CSMD3: variants seen among roughly 807,000 people sequenced by gnomAD.
CSMD3 encodes CUB and sushi domain-containing protein 3.
Under a neutral mutation model 435.2 loss-of-function variants are expected in CSMD3, and 177 were observed. The observed-to-expected ratio is 0.41, with a 90% CI of 0.36 to 0.46. CSMD3 has a LOEUF of 0.46. CSMD3 is among the 20% of genes least tolerant of loss of function. The pLI is 0.34. For synonymous variants in CSMD3, 1,656 were observed against 1,520.5 expected (o/e 1.09, Z -2.07); for missense variants, 4,265 against 4,504.6 (o/e 0.95, Z 1.52).
chr8:113,042,885 CGTT>C (rs2087680834), intron 5 of CSMD3, among the ~76,000 whole-genome samples: 1 of 152,174 alleles, frequency 6.6e-6, no homozygotes, highest in African/African-American at 2.4e-5. Context: ...CCAACCTCCA[CGTT>C]GTTCTTCAAT....
intron 1 of CSMD3, among the ~76,000 whole-genome samples, chr8:113,399,086 T>C (rs1303382254): frequency 1.5e-5 from 1 of 68,220 alleles, no homozygotes. Context: ...TTCATATATA[T>C]ATATATATAT....
chr8:112,295,242 ACT>A, intron 54 of CSMD3, among the ~76,000 whole-genome samples: 1 of 152,118 alleles, frequency 6.6e-6, no homozygotes, highest in Admixed American at 6.6e-5. Flanking sequence ...TCAACCACAC[ACT>A]CTCTATATAA....
intron 1 of CSMD3, among the ~76,000 whole-genome samples, chr8:113,337,616 T>A (rs2094086529): frequency 6.6e-6 from 1 of 152,044 alleles, no homozygotes; most frequent in African/African-American, 2.4e-5. Context: ...AGAGAAAATT[T>A]AAAAAATAGA....
chr8:113,211,003 C>A (rs2092828187), intron 3 of CSMD3, among the ~76,000 whole-genome samples: 2 of 152,140 alleles, frequency 1.3e-5, no homozygotes, highest in Admixed American at 6.6e-5. Context: ...CTTTGTTCCA[C>A]CACCTTCCAG....
Position 112,746,018 on chromosome 8 carries a change from A to T in CSMD3, c.1972+54144T>A, listed in dbSNP as rs187477806. Reference sequence around the variant, plus strand: ...CAAACGGCAGTTGACAGTTATTCCCACAAACTTTGAACTCACCTTTTCAGT... The same window carrying T: ...CAAACGGCAGTTGACAGTTATTCCCTCAAACTTTGAACTCACCTTTTCAGT... On this transcript the variant is annotated intron_variant, in intron 13 of 70. Coordinates refer to ENST00000297405, the MANE Select transcript of CSMD3 (RefSeq NM_198123.2). Among the ~76,000 whole-genome samples, 309 of 152,292 alleles carry T rather than the reference A, an allele frequency of 2.0e-3. 4 individuals carry two copies. Among genetic ancestry groups the T allele is most frequent in the Non-Finnish European group, 5.0e-4 (34 of 68,022 alleles).
chr8:112,975,819 T>G lies in CSMD3; in HGVS notation c.1342+18A>C. The G allele has an allele frequency of 6.2e-7, 1 of 1,612,242 alleles. No individual in the cohort carries two copies. The highest frequency in any genetic ancestry group is 8.5e-7 in the Non-Finnish European group (1 of 1,179,654). On this transcript the variant is annotated intron_variant, in intron 7 of 70. Coordinates refer to ENST00000297405, the MANE Select transcript of CSMD3 (RefSeq NM_198123.2). ...TTGGCTGTAACTAAATGGGCACAAG[T>G]AAAATAACATCCAATACCTCTATGA...
At chr8:113,172,467 G>A (rs1026799813) in intron 4 of CSMD3, among the ~76,000 whole-genome samples, 1 of 152,124 alleles carries the variant, frequency 6.6e-6, no homozygotes, top group Non-Finnish European at 1.5e-5. Context: ...ACGCAGCAAC[G>A]GAATCTAACA....
At chr8:113,179,681 A>T (rs569691385) in intron 3 of CSMD3, among the ~76,000 whole-genome samples, 5 of 151,838 alleles carry the variant, frequency 3.3e-5, no homozygotes, top group African/African-American at 1.2e-4. Flanking sequence ...AAATCCAGAT[A>T]ATTTTCAAAA....
intron 6 of CSMD3, among the ~76,000 whole-genome samples, chr8:112,977,805 C>A (rs2130945343): frequency 6.6e-6 from 1 of 152,114 alleles, no homozygotes; most frequent in Middle Eastern, 3.4e-3. Context: ...TTGTGAATAA[C>A]CTATTTCATA....
intron 4 of CSMD3, among the ~76,000 whole-genome samples, chr8:113,146,717 A>C (rs1173221804): frequency 1.3e-5 from 2 of 151,644 alleles, no homozygotes; most frequent in African/African-American, 4.8e-5. Context: ...TATTGCAGCC[A>C]GCTGACTGAT....
At chr8:112,613,398 T>G (rs1021665845) in intron 22 of CSMD3, among the ~76,000 whole-genome samples, 1 of 152,200 alleles carries the variant, frequency 6.6e-6, no homozygotes, top group African/African-American at 2.4e-5. Context: ...AGTTTTATTT[T>G]ATATTAATTT....
At chr8:112,713,016 T>C (rs1452326314) in intron 13 of CSMD3, among the ~76,000 whole-genome samples, 1 of 152,066 alleles carries the variant, frequency 6.6e-6, no homozygotes, top group Admixed American at 6.6e-5. Context: ...CAAAACAGTA[T>C]GCAAATCCAG....
At chr8:113,200,661 G>A (rs528966472) in intron 3 of CSMD3, among the ~76,000 whole-genome samples, 4 of 150,958 alleles carry the variant, frequency 2.6e-5, no homozygotes, top group Non-Finnish European at 5.9e-5. Flanking sequence ...AAGGGAGTAA[G>A]TGTAGAAATA....
At chr8:113,106,172 T>C (rs2090469547) in intron 4 of CSMD3, among the ~76,000 whole-genome samples, 1 of 152,012 alleles carries the variant, frequency 6.6e-6, no homozygotes, top group Non-Finnish European at 1.5e-5. Flanking sequence ...GAATACATGT[T>C]AGAGAATATA....
At chr8:112,893,248 T>C (rs956896235) in intron 10 of CSMD3, among the ~76,000 whole-genome samples, 1 of 151,350 alleles carries the variant, frequency 6.6e-6, no homozygotes, top group Admixed American at 6.6e-5. Flanking sequence ...ATTTCCCAAA[T>C]AAGGAAATTA....
chr8:112,485,221 T>C (rs954302135), intron 31 of CSMD3, among the ~76,000 whole-genome samples: 6 of 152,164 alleles, frequency 3.9e-5, no homozygotes, highest in African/African-American at 1.4e-4. Flanking sequence ...TTTATCCCAA[T>C]GCAATGCAAA....
chr8:112,958,288 A>G (rs1220072438), intron 7 of CSMD3, among the ~76,000 whole-genome samples: 1 of 152,210 alleles, frequency 6.6e-6, no homozygotes, highest in African/African-American at 2.4e-5. Context: ...TTTCTTTCAT[A>G]TGCTAAACAA....
At chr8:112,859,108 T>C (rs899854279) in intron 11 of CSMD3, 37 bp downstream of exon 11, 3 of 1,588,470 alleles carry the variant, frequency 1.9e-6, no homozygotes, top group African/African-American at 2.7e-5. Context: ...TTTATGATTA[T>C]GACTTTTTTT....
intron 10 of CSMD3, among the ~76,000 whole-genome samples, chr8:112,896,137 G>T (rs940805881): frequency 2.0e-5 from 3 of 151,390 alleles, no homozygotes; most frequent in Non-Finnish European, 3.0e-5. Context: ...AGTCATAAAA[G>T]GCTCCAGAGC....
Sources: allele counts gnomAD v4.1 joint callset (sites outside exome capture counted in the v4.1 genomes callset), GRCh38; gene constraint gnomAD v4.1.1; transcripts MANE v1.5; gene names NCBI Gene and HGNC (gene_info 2026-07-23, HGNC 2026-07-21).